ADAMTSL1: variants seen among roughly 807,000 people sequenced by gnomAD.
ADAMTSL1 encodes the protein ADAMTS-like protein 1.
A neutral mutation model predicts 201.8 loss-of-function variants in ADAMTSL1; 126 were observed. The observed-to-expected ratio is 0.62, with a 90% CI of 0.54 to 0.72. The LOEUF (loss-of-function observed/expected upper bound fraction) is 0.72. Among genes scored for constraint, ADAMTSL1 ranks in the 30% least tolerant of loss-of-function variants. ADAMTSL1 has a pLI of 0.00. For synonymous variants in ADAMTSL1, 1,121 were observed against 903.4 expected, an observed-to-expected ratio of 1.24 and a Z score of -4.32; for missense variants, 2,679 against 2,277.8, an observed-to-expected ratio of 1.18 and a Z score of -3.59.
intron 1 of ADAMTSL1, among the ~76,000 whole-genome samples, chr9:17,989,841 G>A (rs1197157261): frequency 6.7e-6 from 1 of 149,454 alleles, no homozygotes; most frequent in Non-Finnish European, 1.5e-5. Flanking sequence ...TTTTTTTTTA[G>A]CATGCAAAGA....
At position 18,364,021 on chromosome 9, in the gene ADAMTSL1, A is replaced by T. The variant is rs531673650; in HGVS notation, c.208-140808A>T. Among the ~76,000 whole-genome samples, 248 of 152,348 alleles carry T rather than the reference A, an allele frequency of 1.6e-3. 2 individuals carry two copies. The highest frequency in any genetic ancestry group is 5.8e-3 in the African/African-American group (241 of 41,580). On this transcript the variant is annotated intron_variant, in intron 2 of 29. Transcript: ENST00000680146. ...AAAAAAATTCAAATCACATTTTTTAATGCAAGTCTAAGCTGGAAATTAAAA... is the reference window on the plus strand; with the variant it reads ...AAAAAAATTCAAATCACATTTTTTATTGCAAGTCTAAGCTGGAAATTAAAA...
chr9:18,890,412 A>G (rs914187678), intron 25 of ADAMTSL1: 4 of 426,586 alleles, frequency 9.4e-6, no homozygotes, highest in Non-Finnish European at 1.9e-5. Context: ...CAGTAGTTAA[A>G]TGGATAATAG....
intron 2 of ADAMTSL1, among the ~76,000 whole-genome samples, chr9:18,510,883 T>C (rs1401109749): frequency 6.6e-6 from 1 of 152,136 alleles, no homozygotes; most frequent in African/African-American, 2.4e-5. Context: ...ACCCCCCTAC[T>C]AAATACTCTG....
At chr9:18,341,563 A>G (rs1835464300) in intron 2 of ADAMTSL1, among the ~76,000 whole-genome samples, 2 of 152,164 alleles carry the variant, frequency 1.3e-5, no homozygotes, top group Admixed American at 6.6e-5. Flanking sequence ...ATATGATGGC[A>G]CTTATTGCAC....
At chr9:17,972,533 T>C (rs1297227522) in intron 1 of ADAMTSL1, among the ~76,000 whole-genome samples, 3 of 152,018 alleles carry the variant, frequency 2.0e-5, no homozygotes, top group Non-Finnish European at 4.4e-5. Flanking sequence ...ATGGTGTCTA[T>C]GTGCCACATT....
At chr9:18,632,297 A>G (rs1274537412) in intron 5 of ADAMTSL1, among the ~76,000 whole-genome samples, 1 of 152,270 alleles carries the variant, frequency 6.6e-6, no homozygotes, top group Non-Finnish European at 1.5e-5. Context: ...CTTTTTATGA[A>G]CATGCAGAAA....
At chr9:18,329,527 T>G (rs988779297) in intron 2 of ADAMTSL1, among the ~76,000 whole-genome samples, 8 of 152,184 alleles carry the variant, frequency 5.3e-5, no homozygotes, top group Admixed American at 3.3e-4. Context: ...TGTTATGAAG[T>G]AAATGTCACT....
chr9:18,517,495 G>A (rs1199781433), intron 2 of ADAMTSL1, among the ~76,000 whole-genome samples: 2 of 151,272 alleles, frequency 1.3e-5, no homozygotes, highest in Admixed American at 6.6e-5. Flanking sequence ...GTATACATGT[G>A]CCATGCTGGT....
chr9:18,311,049 T>G (rs932433767), intron 2 of ADAMTSL1, among the ~76,000 whole-genome samples: 1 of 152,102 alleles, frequency 6.6e-6, no homozygotes, highest in East Asian at 1.9e-4. Context: ...TTCATGTCCT[T>G]TGTAGGGACA....
At chr9:18,008,109 A>T (rs1394073295) in intron 1 of ADAMTSL1, among the ~76,000 whole-genome samples, 1 of 152,048 alleles carries the variant, frequency 6.6e-6, no homozygotes, top group East Asian at 1.9e-4. Context: ...AGGTCATGTT[A>T]GACATGAGAT....
intron 19 of ADAMTSL1, among the ~76,000 whole-genome samples, chr9:18,787,053 T>A (rs1410218431): frequency 6.6e-6 from 1 of 152,190 alleles, no homozygotes; most frequent in Admixed American, 6.5e-5. Context: ...TGAATAATTC[T>A]CTATGTACAA....
At chr9:18,701,185 A>G (rs1733939822) in intron 13 of ADAMTSL1, among the ~76,000 whole-genome samples, 2 of 149,340 alleles carry the variant, frequency 1.3e-5, no homozygotes, top group African/African-American at 4.9e-5. Flanking sequence ...TAACAGAGTT[A>G]TCCAGTAATC....
At chr9:18,830,481 T>A (rs1824905334) in intron 23 of ADAMTSL1, among the ~76,000 whole-genome samples, 1 of 152,200 alleles carries the variant, frequency 6.6e-6, no homozygotes, top group Non-Finnish European at 1.5e-5. Flanking sequence ...CCAACCCAGA[T>A]AGACTCCTCA....
chr9:18,406,289 T>TTTTTCTTTTCTTTACTTTTC (rs1554673584), intron 2 of ADAMTSL1, among the ~76,000 whole-genome samples: 1 of 117,438 alleles, frequency 8.5e-6, no homozygotes, highest in African/African-American at 3.6e-5. Flanking sequence ...ATAAGACAGT[T>TTTTTCTTTTCTTTACTTTTC]TTTTCTTTTC....
chr9:18,527,043 A>G (rs898128983), intron 2 of ADAMTSL1, among the ~76,000 whole-genome samples: 1 of 152,144 alleles, frequency 6.6e-6, no homozygotes, highest in Non-Finnish European at 1.5e-5. Context: ...GATCAGTGGT[A>G]CCCAGGATTT....
In ADAMTSL1 at chr9:18,223,676, A is replaced by G. The variant is rs147167384; in HGVS notation, c.207+59695A>G. On this transcript the variant is annotated intron_variant, in intron 2 of 29. Coordinates refer to the ADAMTSL1 transcript ENST00000680146. Reference sequence around the variant, plus strand: ...TGCAAGCATTTTATTTAATCCTTGAACTATATTAAATATATCTGTTTTATG... The same window carrying G: ...TGCAAGCATTTTATTTAATCCTTGAGCTATATTAAATATATCTGTTTTATG... Among the ~76,000 whole-genome samples the G allele has an allele frequency of 3.7e-3, 568 of 152,264 alleles. 3 individuals are homozygous for G. Among genetic ancestry groups the G allele is most frequent in the African/African-American group, 0.013 (539 of 41,580 alleles).
chr9:18,505,236 A>ATTTTCAT (rs1823062540), intron 2 of ADAMTSL1, among the ~76,000 whole-genome samples: 1 of 152,234 alleles, frequency 6.6e-6, no homozygotes, highest in African/African-American at 2.4e-5. Context: ...TTTTCATGTT[A>ATTTTCAT]GGACTGGAAG....
At chr9:18,681,700 G>GGGGA (rs1564145913) in intron 11 of ADAMTSL1, 112 bp from the exon 12 acceptor site, 3 of 673,390 alleles carry the variant, frequency 4.5e-6, no homozygotes, top group South Asian at 3.4e-5. Flanking sequence ...CCTCGTGTGG[G>GGGGA]GGGGGGGGGC....
At chr9:17,976,627 C>G (rs2840787) in intron 1 of ADAMTSL1, among the ~76,000 whole-genome samples, 1 of 151,590 alleles carries the variant, frequency 6.6e-6, no homozygotes, top group Non-Finnish European at 1.5e-5. Context: ...GTCCTAACAG[C>G]TTTTTGGTGA....
Sources: allele counts gnomAD v4.1 joint callset (sites outside exome capture counted in the v4.1 genomes callset), GRCh38; gene constraint gnomAD v4.1.1; transcripts MANE v1.5; gene names NCBI Gene and HGNC (gene_info 2026-07-23, HGNC 2026-07-21).